Variants in FRMD5 observed in about 807,000 individuals in gnomAD.
FRMD5 encodes FERM domain-containing protein 5.
Under a neutral mutation model 69.0 loss-of-function variants are expected in FRMD5, and 20 were observed. The observed-to-expected ratio is 0.29, with a 90% confidence interval of 0.20 to 0.42. FRMD5 has a LOEUF of 0.42. Ranked by LOEUF, FRMD5 falls within the 10% of genes least tolerant of loss-of-function variation. The probability of loss-of-function intolerance (pLI) is 1.00; values close to 1 mark genes in which losing one functional copy is unlikely to be tolerated. For synonymous variants in FRMD5, 271 were observed against 260.1 expected (o/e 1.04, Z -0.40); for missense variants, 595 against 708.6 (o/e 0.84, Z 1.82).
intron 1 of FRMD5, among the ~76,000 whole-genome samples, chr15:44,169,218 C>A (rs1208504047): frequency 1.3e-5 from 2 of 152,072 alleles, no homozygotes; most frequent in Non-Finnish European, 2.9e-5. Context: ...AGGCTTTTGT[C>A]GCCTTTTCTT....
At chr15:43,876,671 C>T (rs1279821593) in intron 13 of FRMD5, among the ~76,000 whole-genome samples, 2 of 152,216 alleles carry the variant, frequency 1.3e-5, no homozygotes, top group Non-Finnish European at 1.5e-5. Context: ...TGCTCTCAGT[C>T]TCTTCAGCCT....
intron 1 of FRMD5, among the ~76,000 whole-genome samples, chr15:44,111,207 T>G (rs771408853): frequency 1.7e-4 from 26 of 152,206 alleles, no homozygotes; most frequent in Admixed American, 2.6e-4. Context: ...TCGTGACTGC[T>G]CCTGAACATC....
rs1595532110 is a variant in FRMD5, at chr15:43,932,520, G to C, written c.103-8211C>G. Among the ~76,000 whole-genome samples, 4 of 152,228 alleles carry C rather than the reference G, an allele frequency of 2.6e-5. No homozygotes were observed. The East Asian group carries it at 7.7e-4, about 29-fold the overall frequency. On this transcript the variant is annotated intron_variant, in intron 1 of 13. Transcript: ENST00000417257. ...AGCTTCTGTGACAGGCTCCTGACAT[G>C]CTCCCTAGAAAGGAGGAGCTGAATA...
At chr15:44,098,131 A>G (rs1387171860) in intron 1 of FRMD5, among the ~76,000 whole-genome samples, 1 of 151,918 alleles carries the variant, frequency 6.6e-6, no homozygotes, top group Non-Finnish European at 1.5e-5. Context: ...AAAAAAAACT[A>G]AACAACAACA....
intron 1 of FRMD5, among the ~76,000 whole-genome samples, chr15:44,106,030 G>A (rs909850545): frequency 6.6e-6 from 1 of 152,044 alleles, no homozygotes; most frequent in African/African-American, 2.4e-5. Context: ...TATGTAAATG[G>A]TTGTTTAACT....
chr15:44,074,273 C>T (rs1893665336), intron 1 of FRMD5, among the ~76,000 whole-genome samples: 2 of 152,108 alleles, frequency 1.3e-5, no homozygotes, highest in African/African-American at 2.4e-5. Context: ...TTATTTGTTA[C>T]ACAAATATCT....
At chr15:43,879,822 G>A (rs1204243513) in intron 13 of FRMD5, 4 of 395,766 alleles carry the variant, frequency 1.0e-5, no homozygotes, top group Non-Finnish European at 1.8e-5. Context: ...CAGCCCCTTG[G>A]CAGTGCCTCG....
chr15:44,037,466 T>C (rs1431264661), intron 1 of FRMD5, among the ~76,000 whole-genome samples: 1 of 150,230 alleles, frequency 6.7e-6, no homozygotes, highest in African/African-American at 2.5e-5. Flanking sequence ...ATGTGTCTTT[T>C]CTCTTTTTTT....
chr15:44,001,359 C>G (rs896426982), intron 1 of FRMD5, among the ~76,000 whole-genome samples: 5 of 152,090 alleles, frequency 3.3e-5, no homozygotes, highest in African/African-American at 1.2e-4. Context: ...CTGTGGGACA[C>G]TTTTTCATTT....
intron 1 of FRMD5, among the ~76,000 whole-genome samples, chr15:43,981,476 T>C (rs1029884198): frequency 2.0e-5 from 3 of 152,072 alleles, no homozygotes; most frequent in Non-Finnish European, 4.4e-5. Flanking sequence ...GTAGCAGAGA[T>C]GGAAGAGGTA....
intron 1 of FRMD5, among the ~76,000 whole-genome samples, chr15:44,148,294 C>G (rs1259137842): frequency 1.3e-5 from 2 of 150,372 alleles, no homozygotes; most frequent in African/African-American, 4.9e-5. Flanking sequence ...TTTTTTGAGA[C>G]GGAGTCTCGC....
intron 1 of FRMD5, among the ~76,000 whole-genome samples, chr15:44,089,851 CA>C (rs1359284926): frequency 3.3e-5 from 5 of 152,120 alleles, no homozygotes; most frequent in Admixed American, 6.6e-5. Context: ...TAAGTCAAGA[CA>C]TCAGAAGTGC....
chr15:44,147,911 T>G (rs1208202502), intron 1 of FRMD5, among the ~76,000 whole-genome samples: 1 of 152,090 alleles, frequency 6.6e-6, no homozygotes, highest in Non-Finnish European at 1.5e-5. Context: ...GGAGCCAGGG[T>G]GGGCAAAAAA....
intron 6 of FRMD5, among the ~76,000 whole-genome samples, chr15:43,904,643 TGCTGGGATTACAGGTGTGAGCCACTGC>T (rs145179700): frequency 0.025 from 3,846 of 152,278 alleles, 101 homozygotes; most frequent in South Asian, 0.079. Flanking sequence ...CCTCCCAAAG[TGCTGGGATTACAGGTGTGAGCCACTGC>T]GCTTGGCCAA....
intron 1 of FRMD5, among the ~76,000 whole-genome samples, chr15:44,109,795 T>A (rs1215657925): frequency 6.6e-6 from 1 of 152,208 alleles, no homozygotes; most frequent in Non-Finnish European, 1.5e-5. Context: ...AAAATCCTCT[T>A]TGCTCTACCT....
intron 1 of FRMD5, among the ~76,000 whole-genome samples, chr15:44,186,697 G>A (rs528398001): frequency 2.6e-5 from 4 of 152,332 alleles, no homozygotes; most frequent in South Asian, 2.1e-4. Context: ...TGGAGTGTCC[G>A]TATTGTCAGT....
At chr15:43,927,814 CCATA>C (rs554723938) in intron 1 of FRMD5, among the ~76,000 whole-genome samples, 177 of 152,004 alleles carry the variant, frequency 1.2e-3, no homozygotes, top group Non-Finnish European at 1.8e-3. Context: ...AAGTTTGCTT[CCATA>C]CATACAACAA....
chr15:44,015,550 T>C (rs1259556310), intron 1 of FRMD5, among the ~76,000 whole-genome samples: 3 of 152,180 alleles, frequency 2.0e-5, no homozygotes, highest in Non-Finnish European at 4.4e-5. Context: ...ATGGACTCTA[T>C]TTAAGAGTAC....
At chr15:43,892,495 A>T (rs2088815636) in intron 7 of FRMD5, among the ~76,000 whole-genome samples, 1 of 152,266 alleles carries the variant, frequency 6.6e-6, no homozygotes, top group South Asian at 2.1e-4. Flanking sequence ...TCAGAGATTT[A>T]AAAATGCATG....
Sources: allele counts gnomAD v4.1 joint callset (sites outside exome capture counted in the v4.1 genomes callset), GRCh38; gene constraint gnomAD v4.1.1; transcripts MANE v1.5; gene names NCBI Gene and HGNC (gene_info 2026-07-23, HGNC 2026-07-21).